Variants in CDH12 observed in about 807,000 individuals in gnomAD.
CDH12 encodes the protein cadherin 12.
In CDH12, 41 loss-of-function variants were observed where a neutral mutation model predicts 74.1. The observed-to-expected ratio is 0.55, with a 90% CI of 0.43 to 0.72. The LOEUF is 0.72. CDH12 is among the 30% of genes least tolerant of loss of function. The probability of loss-of-function intolerance (pLI) is 0.00; values close to 1 mark genes in which losing one functional copy is unlikely to be tolerated. For missense variants in CDH12, 945 were observed against 977.2 expected (o/e 0.97, Z 0.44); for synonymous variants, 399 against 355.0 (o/e 1.12, Z -1.39).
chr5:21,838,819 C>G (rs1749681655), intron 8 of CDH12, among the ~76,000 whole-genome samples: 1 of 152,156 alleles, frequency 6.6e-6, no homozygotes, highest in African/African-American at 2.4e-5. Flanking sequence ...TGTCATCATG[C>G]CCCTTTGCCC....
intron 4 of CDH12, among the ~76,000 whole-genome samples, chr5:22,167,308 T>C (rs930319189): frequency 1.8e-4 from 28 of 152,176 alleles, no homozygotes; most frequent in Non-Finnish European, 3.5e-4. Flanking sequence ...AGTAAATCAT[T>C]CACGAAGAGC....
At chr5:22,069,994 C>A (rs1268788186) in intron 5 of CDH12, among the ~76,000 whole-genome samples, 1 of 152,120 alleles carries the variant, frequency 6.6e-6, no homozygotes, top group Non-Finnish European at 1.5e-5. Context: ...TGGAAAAAGG[C>A]AGTTATAAAT....
rs563301366 is a variant in CDH12, at chr5:22,076,428, C to T, written c.231+2018G>A. On this transcript the variant is annotated intron_variant, in intron 5 of 14. Transcript: ENST00000382254. ...AACCTAATTTCAACTTTATTACCTC[C>T]AATTCTGGAAATTGAGGTCTATCGA... Among the ~76,000 whole-genome samples the T allele has an allele frequency of 7.9e-5, 12 of 152,106 alleles. No individual in the cohort carries two copies. In the East Asian group the frequency reaches 2.3e-3, roughly 29 times the overall value.
At chr5:22,556,214 T>C (rs1738797034) in intron 1 of CDH12, among the ~76,000 whole-genome samples, 1 of 152,040 alleles carries the variant, frequency 6.6e-6, no homozygotes, top group Non-Finnish European at 1.5e-5. Context: ...GGGTAGTATA[T>C]TAACACATAA....
chr5:22,673,525 T>A (rs992767), intron 1 of CDH12, among the ~76,000 whole-genome samples: 2 of 152,062 alleles, frequency 1.3e-5, no homozygotes, highest in Admixed American at 1.3e-4. Context: ...TAACACAGAT[T>A]TTTTATTAAT....
chr5:21,881,594 A>AT (rs527977443), intron 6 of CDH12, among the ~76,000 whole-genome samples: 70 of 151,912 alleles, frequency 4.6e-4, no homozygotes, highest in Admixed American at 3.1e-3. Flanking sequence ...TATTTTTTCC[A>AT]TTTTTTTTAA....
intron 3 of CDH12, among the ~76,000 whole-genome samples, chr5:22,363,955 G>A (rs905437949): frequency 6.6e-6 from 1 of 152,116 alleles, no homozygotes; most frequent in Non-Finnish European, 1.5e-5. Flanking sequence ...CATAAACATG[G>A]GCTTTTATCC....
chr5:22,391,189 C>T (rs1396135497), intron 3 of CDH12, among the ~76,000 whole-genome samples: 1 of 152,092 alleles, frequency 6.6e-6, no homozygotes, highest in Non-Finnish European at 1.5e-5. Flanking sequence ...CTTGTGTTGC[C>T]AGGGAGGTTT....
intron 4 of CDH12, among the ~76,000 whole-genome samples, chr5:22,178,647 T>C (rs1435271466): frequency 7.2e-5 from 11 of 152,176 alleles, no homozygotes; most frequent in Admixed American, 2.0e-4. Context: ...CTCTTACCAA[T>C]AGTCCTCAGG....
In CDH12 at chr5:22,323,399, T is replaced by C. The variant is rs189295333; in HGVS notation, c.-333+81858A>G. Reference sequence around the variant, plus strand: ...GTGAAATGTGTCAACACTGGCTACATTGGAGAAGGATTACTTTTATACATT... The same window carrying C: ...GTGAAATGTGTCAACACTGGCTACACTGGAGAAGGATTACTTTTATACATT... On this transcript the variant is annotated intron_variant, in intron 3 of 14. Transcript: ENST00000382254. Among the ~76,000 whole-genome samples the C allele has an allele frequency of 5.2e-4, 79 of 152,286 alleles. 2 individuals carry two copies. Among genetic ancestry groups the C allele is most frequent in the Admixed American group, 5.0e-3 (76 of 15,290 alleles).
intron 5 of CDH12, among the ~76,000 whole-genome samples, chr5:22,062,901 G>A (rs1407564658): frequency 1.3e-5 from 2 of 152,112 alleles, no homozygotes; most frequent in Non-Finnish European, 2.9e-5. Context: ...GATATTGAAA[G>A]CTCACACTTT....
At chr5:21,929,370 T>G (rs1286768438) in intron 6 of CDH12, among the ~76,000 whole-genome samples, 1 of 151,644 alleles carries the variant, frequency 6.6e-6, no homozygotes, top group Non-Finnish European at 1.5e-5. Context: ...GATGGTCCCT[T>G]CTGGGGTGAT....
chr5:22,261,799 A>AC (rs1753524162), intron 3 of CDH12, among the ~76,000 whole-genome samples: 1 of 152,056 alleles, frequency 6.6e-6, no homozygotes, highest in Non-Finnish European at 1.5e-5. Context: ...AAAAAAAAAA[A>AC]AAAAATACAT....
chr5:22,570,096 C>A (rs1739471637), intron 1 of CDH12, among the ~76,000 whole-genome samples: 1 of 151,828 alleles, frequency 6.6e-6, no homozygotes. Context: ...CGCTGCGATG[C>A]CCAGGCTGGA....
chr5:22,465,543 G>C (rs1023454967), intron 2 of CDH12, among the ~76,000 whole-genome samples: 1 of 152,144 alleles, frequency 6.6e-6, no homozygotes, highest in African/African-American at 2.4e-5. Context: ...CTACTTGGGA[G>C]GCTAAGGTAG....
At chr5:22,328,189 G>T (rs1739203335) in intron 3 of CDH12, among the ~76,000 whole-genome samples, 1 of 152,128 alleles carries the variant, frequency 6.6e-6, no homozygotes, top group Non-Finnish European at 1.5e-5. Context: ...GAAACTAAAT[G>T]ATTGTCTTGA....
intron 3 of CDH12, among the ~76,000 whole-genome samples, chr5:22,345,020 G>A (rs974157529): frequency 9.9e-5 from 15 of 152,256 alleles, no homozygotes; most frequent in African/African-American, 3.4e-4. Context: ...TTTCAAAACT[G>A]CCCGTGTTCT....
chr5:21,858,257 A>G (rs929876040), intron 6 of CDH12, among the ~76,000 whole-genome samples: 2 of 151,906 alleles, frequency 1.3e-5, no homozygotes, highest in African/African-American at 4.8e-5. Context: ...GTAAAGCATA[A>G]TTTATTTCTA....
intron 5 of CDH12, among the ~76,000 whole-genome samples, chr5:22,020,161 G>A (rs1435832247): frequency 6.6e-6 from 1 of 152,160 alleles, no homozygotes; most frequent in Non-Finnish European, 1.5e-5. Flanking sequence ...ATGACTGCAA[G>A]ACAGGGTATG....
Sources: allele counts gnomAD v4.1 joint callset (sites outside exome capture counted in the v4.1 genomes callset), GRCh38; gene constraint gnomAD v4.1.1; transcripts MANE v1.5; gene names NCBI Gene and HGNC (gene_info 2026-07-23, HGNC 2026-07-21).